Variants in SCN4B observed in about 807,000 individuals in gnomAD.
SCN4B encodes the protein sodium voltage-gated channel beta subunit 4.
In SCN4B, 20 loss-of-function variants were observed where a neutral mutation model predicts 19.6. That is an observed-to-expected ratio of 1.02 (90% confidence interval 0.72 to 1.48). The LOEUF (loss-of-function observed/expected upper bound fraction) is 1.48, where lower values mean the gene tolerates loss of function less well. Among genes scored for constraint, SCN4B ranks in the 40% most tolerant of loss-of-function variants. The pLI, the probability that SCN4B is intolerant of heterozygous loss-of-function variation, is 0.00. For missense variants in SCN4B, 271 were observed against 287.5 expected (o/e 0.94, Z 0.42); for synonymous variants, 127 against 122.8 (o/e 1.03, Z -0.22).
At chr11:118,150,649 A>G (rs1416410098) in intron 1 of SCN4B, among the ~76,000 whole-genome samples, 2 of 152,198 alleles carry the variant, frequency 1.3e-5, no homozygotes, top group African/African-American at 4.8e-5. Context: ...TCTCTGGACC[A>G]TGACTTCCTC....
rs1422615338 is a variant in SCN4B at position 118,134,170 on chromosome 11, T to C, written c.*2857A>G. ...TCTAACATCAGGGGTTTATTCGGGC[T>C]GCCTTCTGTTCAATTACGACATGGG... On this transcript the variant is annotated 3_prime_UTR_variant, in exon 5 of 5. Coordinates refer to ENST00000324727, the MANE Select transcript of SCN4B (RefSeq NM_174934.4). The C allele has an allele frequency of 4.4e-6, 2 of 454,116 alleles. No homozygotes were observed. The highest frequency in any genetic ancestry group is 3.1e-5 in the South Asian group (2 of 64,486). 28.1% of individuals were successfully genotyped at this position (454,116 alleles called of 1,614,324 possible).
intron 3 of SCN4B, 98 bp from the exon 4 acceptor site, chr11:118,141,434 AC>A (rs68042313): frequency 2.0e-6 from 3 of 1,466,572 alleles, no homozygotes; most frequent in African/African-American, 2.8e-5. Context: ...TGTAGCCTCC[AC>A]CCCCTGGCAT....
intron 4 of SCN4B, among the ~76,000 whole-genome samples, chr11:118,138,629 G>T (rs920986677): frequency 1.3e-5 from 2 of 152,130 alleles, no homozygotes; most frequent in Non-Finnish European, 2.9e-5. Flanking sequence ...CACTGTGTCG[G>T]AAACGTGCAC....
chr11:118,145,934 A>T (rs1452953554), intron 1 of SCN4B, among the ~76,000 whole-genome samples: 1 of 152,152 alleles, frequency 6.6e-6, no homozygotes, highest in Middle Eastern at 3.2e-3. Flanking sequence ...AGGGGGGAAC[A>T]CGGCGGGGGT....
Position 118,152,700 on chromosome 11 carries a change from G to C in SCN4B, c.-27C>G, listed in dbSNP as rs374429768. The C allele has an allele frequency of 1.2e-5, 19 of 1,570,418 alleles. No individual in the cohort carries two copies. In the African/African-American group the frequency reaches 2.6e-4, roughly 21 times the overall value. On this transcript the variant is annotated 5_prime_UTR_variant, in exon 1 of 5. Transcript: ENST00000324727. ...GTCCTGTTCTCTCCGGAGCGCGCGG[G>C]GGTCGCGGGGATGGGATACTGGGCA...
rs1238718974 is a variant in SCN4B at position 118,134,617 on chromosome 11, T to C, written c.*2410A>G. 2 of 453,978 alleles carry C rather than the reference T, an allele frequency of 4.4e-6. No individual in the cohort carries two copies. Among genetic ancestry groups the C allele is most frequent in the Non-Finnish European group, 8.8e-6 (2 of 226,796 alleles). The allele number at this position is 453,978 out of a possible 1,614,324, so 28.1% of individuals were successfully genotyped here. On this transcript the variant is annotated 3_prime_UTR_variant, in exon 5 of 5. Transcript: ENST00000324727. ...AACAAAAGCCATGGACAAGAAGCTT[T>C]AAGCATCAGAGTCAAGGTTTCTAAT...
At position 118,135,567 on chromosome 11, in the gene SCN4B, C is replaced by G. The variant is rs1022016048; in HGVS notation, c.*1460G>C. 3 of 453,972 alleles carry G rather than the reference C, an allele frequency of 6.6e-6. No homozygotes were observed. Among genetic ancestry groups the G allele is most frequent in the Non-Finnish European group, 1.3e-5 (3 of 226,776 alleles). The allele number at this position is 453,972 out of a possible 1,614,324, so 28.1% of individuals were successfully genotyped here. On this transcript the variant is annotated 3_prime_UTR_variant, in exon 5 of 5. Transcript: ENST00000324727. ...ACTCAGGAGATCCCACTCCCAACAT[C>G]ACCACCTCCCCCTAGGGCAGGCTAG...
intron 4 of SCN4B, among the ~76,000 whole-genome samples, chr11:118,140,964 A>G (rs887471483): frequency 6.6e-6 from 1 of 152,096 alleles, no homozygotes; most frequent in African/African-American, 2.4e-5. Flanking sequence ...AGGAAGAGCA[A>G]GTGGCTGGCG....
intron 3 of SCN4B, chr11:118,142,741 G>A (rs543421741): frequency 1.3e-5 from 2 of 152,290 alleles, no homozygotes; most frequent in East Asian, 1.9e-4. Flanking sequence ...GAGCTGGTGA[G>A]GAGCAAAGGA....
chr11:118,143,751 T>C, intron 3 of SCN4B, 82 bp downstream of exon 3: 1 of 938,376 alleles, frequency 1.1e-6, no homozygotes, highest in Non-Finnish European at 1.7e-6. Context: ...ACGGTCCATT[T>C]TGCCATTTCA....
At chr11:118,149,332 T>C (rs568228894) in intron 1 of SCN4B, among the ~76,000 whole-genome samples, 2 of 152,170 alleles carry the variant, frequency 1.3e-5, no homozygotes, top group Non-Finnish European at 2.9e-5. Context: ...GAGGGCTTGC[T>C]GGCATGGCAA....
At position 118,144,026 on chromosome 11, in the gene SCN4B, G is replaced by A. The variant is rs1209663626; in HGVS notation, c.270C>T (p.Asp90=). The part of the protein sequence containing the change: ...IEGTVKNEKS[D]PKVTLKDDDR... ...CATCGTCTTTCAACGTCACCTTGGG[G>A]TCAGACTTCTCATTCTTCACAGTCC... The change falls in exon 3 of 5, where the codon GAC becomes GAT. Residue 90 remains aspartate, a synonymous_variant. Coordinates refer to ENST00000324727, the MANE Select transcript of SCN4B (RefSeq NM_174934.4). 2.5e-6 allele frequency: 4 copies of A among 1,613,938 alleles called. No homozygotes were observed. Among genetic ancestry groups the A allele is most frequent in the Admixed American group, 1.7e-5 (1 of 60,028 alleles).
rs933564883 is a variant in SCN4B at position 118,135,491 on chromosome 11, G to A, written c.*1536C>T. ...TGGAAGTAGATGGGCAGAGAGGCTTGTTACCACTTTTCCCTGCCATCCCTG... is the reference window on the plus strand; with the variant it reads ...TGGAAGTAGATGGGCAGAGAGGCTTATTACCACTTTTCCCTGCCATCCCTG... On this transcript the variant is annotated 3_prime_UTR_variant, in exon 5 of 5. Transcript: ENST00000324727. The A allele has an allele frequency of 2.2e-6, 1 of 454,086 alleles. No individual in the cohort carries two copies. The highest frequency in any genetic ancestry group is 1.6e-5 in the South Asian group (1 of 64,476). 28.1% of individuals were successfully genotyped at this position (454,086 alleles called of 1,614,324 possible). A position where few individuals can be genotyped will look rare whatever the true frequency, so the allele number is the denominator to read the frequency against.
At chr11:118,151,122 GCACACACACA>G (rs3837425) in intron 1 of SCN4B, among the ~76,000 whole-genome samples, 3,033 of 149,232 alleles carry the variant, frequency 0.02, 54 homozygotes, top group Middle Eastern at 0.045. Flanking sequence ...TTACACACGT[GCACACACACA>G]CACACACACA....
chr11:118,136,622 C>T lies in SCN4B; in HGVS notation c.*405G>A, dbSNP rs2135497151. The T allele has an allele frequency of 2.2e-6, 1 of 456,394 alleles. No homozygotes were observed. Among genetic ancestry groups the T allele is most frequent in the South Asian group, 1.6e-5 (1 of 64,496 alleles). 28.3% of individuals were successfully genotyped at this position (456,394 alleles called of 1,614,324 possible). On this transcript the variant is annotated 3_prime_UTR_variant, in exon 5 of 5. Transcript: ENST00000324727. The stretch of plus-strand genomic sequence containing the variant: ...AGCCACTTCTTCCTACACCCCATCT[C>T]CAGGGTGCAGCTCTTAGGACATCCC...
At chr11:118,144,209 C>T (rs1379570150) in intron 2 of SCN4B, 148 bp from the exon 3 acceptor site, 12 of 646,298 alleles carry the variant, frequency 1.9e-5, no homozygotes, top group Non-Finnish European at 2.8e-5. Context: ...TCCTTCCCCC[C>T]ATGGTTTCCT....
intron 1 of SCN4B, among the ~76,000 whole-genome samples, chr11:118,150,763 C>G (rs1024659053): frequency 3.9e-5 from 6 of 152,204 alleles, no homozygotes; most frequent in Admixed American, 2.6e-4. Flanking sequence ...GTATCTCCCC[C>G]ACTGGACTGA....
Position 118,135,758 on chromosome 11 carries a change from G to T in SCN4B, c.*1269C>A, listed in dbSNP as rs1285188361. ...CAGGACATACCGTCTAGAGAGGATG[G>T]GGGTAAGGGCTAGGATTCAGGACTA... On this transcript the variant is annotated 3_prime_UTR_variant, in exon 5 of 5. Transcript: ENST00000324727. The T allele has an allele frequency of 4.4e-6, 2 of 454,356 alleles. No homozygotes were observed. The highest frequency in any genetic ancestry group is 8.8e-6 in the Non-Finnish European group (2 of 226,788). 28.1% of individuals were successfully genotyped at this position (454,356 alleles called of 1,614,324 possible). A position where few individuals can be genotyped will look rare whatever the true frequency, so the allele number is the denominator to read the frequency against.
Position 118,134,119 on chromosome 11 carries a change from C to T in SCN4B, c.*2908G>A. On this transcript the variant is annotated 3_prime_UTR_variant, in exon 5 of 5. Coordinates refer to ENST00000324727, the MANE Select transcript of SCN4B (RefSeq NM_174934.4). ...TCGGCCTGCCATATGTAGTCTGAGC[C>T]CCATCGGCTGCTCTCCCCAGGCCTC... is the stretch of plus-strand genomic sequence containing the variant. 1 of 454,402 alleles carries T rather than the reference C, an allele frequency of 2.2e-6. No homozygotes were observed. Among genetic ancestry groups the T allele is most frequent in the Non-Finnish European group, 4.4e-6 (1 of 226,800 alleles). The allele number at this position is 454,402 out of a possible 1,614,324, so 28.1% of individuals were successfully genotyped here. A position where few individuals can be genotyped will look rare whatever the true frequency, so the allele number is the denominator to read the frequency against.
Sources: allele counts gnomAD v4.1 joint callset (sites outside exome capture counted in the v4.1 genomes callset), GRCh38; gene constraint gnomAD v4.1.1; transcripts MANE v1.5; gene names NCBI Gene and HGNC (gene_info 2026-07-23, HGNC 2026-07-21).